Variants in LRRIQ3 observed in about 807,000 individuals in gnomAD.
The protein encoded by LRRIQ3 is leucine-rich repeat and IQ domain-containing protein 3.
In LRRIQ3, 75 loss-of-function variants were observed where a neutral mutation model predicts 59.3. The observed-to-expected ratio is 1.26, with a 90% CI of 1.05 to 1.53. The LOEUF is 1.53. LRRIQ3 is among the 40% of genes most tolerant of loss of function. The pLI, the probability that LRRIQ3 is intolerant of heterozygous loss-of-function variation, is 0.00. For synonymous variants in LRRIQ3, 250 were observed against 231.3 expected (o/e 1.08, Z -0.73); for missense variants, 831 against 710.0 (o/e 1.17, Z -1.94).
chr1:74,113,971 C>A (rs111543162), intron 4 of LRRIQ3, among the ~76,000 whole-genome samples: 2,262 of 151,486 alleles, frequency 0.015, 66 homozygotes, highest in East Asian at 0.055. Flanking sequence ...ATCTCTCTCT[C>A]TATATATATA....
At chr1:74,043,852 G>A (rs1022909133) in intron 6 of LRRIQ3, among the ~76,000 whole-genome samples, 10 of 151,994 alleles carry the variant, frequency 6.6e-5, no homozygotes, top group African/African-American at 1.2e-4. Flanking sequence ...TACCAGAAAA[G>A]AGCGACATAT....
chr1:74,180,946 A>T (rs1452154309), intron 3 of LRRIQ3: 3 of 688,448 alleles, frequency 4.4e-6, no homozygotes, highest in Non-Finnish European at 7.0e-6. Context: ...CTGACATTTT[A>T]TGGTTGTTTA....
At chr1:74,084,995 C>G (rs1318459881) in intron 5 of LRRIQ3, among the ~76,000 whole-genome samples, 1 of 151,690 alleles carries the variant, frequency 6.6e-6, no homozygotes, top group Non-Finnish European at 1.5e-5. Flanking sequence ...AGTTTTATTT[C>G]TATAGCTCAT....
At chr1:74,050,641 G>T in intron 6 of LRRIQ3, 1 of 924,726 alleles carries the variant, frequency 1.1e-6, no homozygotes, top group Non-Finnish European at 1.3e-6. Flanking sequence ...TCACAAGTGG[G>T]TCTGAAGCAG....
At chr1:74,103,876 C>T (rs1646569575) in intron 5 of LRRIQ3, among the ~76,000 whole-genome samples, 1 of 149,896 alleles carries the variant, frequency 6.7e-6, no homozygotes, top group Non-Finnish European at 1.5e-5. Flanking sequence ...TATGAAATTA[C>T]AGCAACCTCA....
chr1:74,036,786 G>T (rs1007798303), intron 7 of LRRIQ3, among the ~76,000 whole-genome samples: 21 of 152,208 alleles, frequency 1.4e-4, no homozygotes, highest in African/African-American at 4.8e-4. Flanking sequence ...TGAATTGAAG[G>T]TAGGTACTAC....
chr1:74,028,101 G>A (rs1653575049), intron 7 of LRRIQ3, among the ~76,000 whole-genome samples: 2 of 152,188 alleles, frequency 1.3e-5, no homozygotes, highest in South Asian at 4.1e-4. Flanking sequence ...AGAGAGGGTA[G>A]CACAGCTTGG....
At chr1:74,103,918 C>G (rs934273935) in intron 5 of LRRIQ3, among the ~76,000 whole-genome samples, 1 of 151,896 alleles carries the variant, frequency 6.6e-6, no homozygotes, top group Non-Finnish European at 1.5e-5. Flanking sequence ...CTGCAACACT[C>G]TAGTCAAAGC....
chr1:74,141,437 G>GA (rs559522657), intron 4 of LRRIQ3, among the ~76,000 whole-genome samples: 7 of 150,050 alleles, frequency 4.7e-5, no homozygotes, highest in East Asian at 3.9e-4. Flanking sequence ...GCTTTTTCAA[G>GA]AAAAAAAAAT....
intron 6 of LRRIQ3, among the ~76,000 whole-genome samples, chr1:74,057,214 G>GA (rs907067402): frequency 2.6e-5 from 4 of 151,878 alleles, no homozygotes; most frequent in Non-Finnish European, 4.4e-5. Context: ...CACAGAAATA[G>GA]AAAAAAATTC....
At chr1:74,144,104 C>T (rs1200473360) in intron 4 of LRRIQ3, among the ~76,000 whole-genome samples, 1 of 151,874 alleles carries the variant, frequency 6.6e-6, no homozygotes. Context: ...CCTATTTGGG[C>T]ACCTTTCAGT....
intron 6 of LRRIQ3, among the ~76,000 whole-genome samples, chr1:74,043,141 A>T (rs998888148): frequency 3.3e-5 from 5 of 152,100 alleles, no homozygotes; most frequent in Admixed American, 6.6e-5. Context: ...TTTTTGACAA[A>T]CCTACTAATG....
intron 6 of LRRIQ3, among the ~76,000 whole-genome samples, chr1:74,049,068 G>A (rs555448453): frequency 1.3e-5 from 2 of 152,072 alleles, no homozygotes; most frequent in Non-Finnish European, 2.9e-5. Context: ...GAAAAGATAA[G>A]TAAGAACAAG....
At chr1:74,039,365 A>C (rs115414866) in intron 7 of LRRIQ3, among the ~76,000 whole-genome samples, 1,580 of 152,312 alleles carry the variant, frequency 0.01, 39 homozygotes, top group African/African-American at 0.036. Flanking sequence ...GAGTACCTGA[A>C]GGAGATGGGG....
intron 5 of LRRIQ3, among the ~76,000 whole-genome samples, chr1:74,102,819 C>T (rs1430470666): frequency 6.6e-6 from 1 of 151,968 alleles, no homozygotes; most frequent in Non-Finnish European, 1.5e-5. Context: ...ATTAATCTAG[C>T]ACCCACTTGC....
chr1:74,120,743 C>A (rs927715241), intron 4 of LRRIQ3, among the ~76,000 whole-genome samples: 3 of 151,732 alleles, frequency 2.0e-5, no homozygotes, highest in Non-Finnish European at 4.4e-5. Flanking sequence ...TAATAAATAG[C>A]TCAGTCTTTT....
rs557195986 is a variant in LRRIQ3, at chr1:74,145,377, T to A, written c.707+10356A>T. 5.9e-5 allele frequency among the ~76,000 whole-genome samples: 9 copies of A among 152,272 alleles called. No individual in the cohort carries two copies. In the South Asian group the frequency reaches 1.9e-3, roughly 32 times the overall value. On this transcript the variant is annotated intron_variant, in intron 4 of 7. Coordinates refer to ENST00000354431, the MANE Select transcript of LRRIQ3 (RefSeq NM_001105659.2). ...GGCTCTGCCATGCTTCTCACTGCTG[T>A]TCCTTTTCCAAAGCCAGTTACTCTG...
intron 5 of LRRIQ3, chr1:74,094,907 A>G (rs1009850939): frequency 6.6e-6 from 1 of 152,092 alleles, no homozygotes; most frequent in Non-Finnish European, 1.5e-5. Flanking sequence ...TTGTCCTTCA[A>G]TAGTCATTCC....
Position 74,065,167 on chromosome 1 carries a change from A to G in LRRIQ3, c.997+9494T>C, listed in dbSNP as rs570049462. On this transcript the variant is annotated intron_variant, in intron 6 of 7. Coordinates refer to ENST00000354431, the MANE Select transcript of LRRIQ3 (RefSeq NM_001105659.2). ...TGGCACTACAGAAGACTTCTAGTACAACCAAACCAATTATTTTTATTGCCT... is the reference window on the plus strand; with the variant it reads ...TGGCACTACAGAAGACTTCTAGTACGACCAAACCAATTATTTTTATTGCCT... Among the ~76,000 whole-genome samples the G allele has an allele frequency of 1.5e-3, 231 of 152,282 alleles. 1 individual carries two copies. Among genetic ancestry groups the G allele is most frequent in the Non-Finnish European group, 2.4e-3 (161 of 67,992 alleles).
Sources: gnomAD v4.1 joint callset for allele counts (sites outside exome capture counted in the v4.1 genomes callset) on GRCh38, gnomAD v4.1.1 for gene constraint, MANE v1.5 for transcripts, NCBI Gene and HGNC (gene_info 2026-07-23, HGNC 2026-07-21) for gene names.